Variants in ZFX observed in about 807,000 individuals in gnomAD.
ZFX encodes zinc finger X-chromosomal protein.
For missense variants in ZFX, 362 were observed against 628.3 expected, an observed-to-expected ratio of 0.58 and a Z score of 4.53; for synonymous variants, 196 against 226.8, an observed-to-expected ratio of 0.86 and a Z score of 1.22.
At chrX:24,198,368 A>T (rs1473441634) in intron 5 of ZFX, among the ~76,000 whole-genome samples, 1 of 110,274 alleles carries the variant, frequency 9.1e-6, no homozygotes, top group Non-Finnish European at 1.9e-5. Flanking sequence ...ATGCCCAGCT[A>T]ATTTAAAAAT....
chrX:24,153,459 G>A (rs766907911), intron 3 of ZFX, among the ~76,000 whole-genome samples: 1 of 111,592 alleles, frequency 9.0e-6, no homozygotes, highest in Non-Finnish European at 1.9e-5. Flanking sequence ...CAAGCTCTGT[G>A]CGTGATGCCG....
At chrX:24,176,007 T>TTTAA (rs1935094763) in intron 4 of ZFX, among the ~76,000 whole-genome samples, 1 of 111,508 alleles carries the variant, frequency 9.0e-6, no homozygotes, top group African/African-American at 3.3e-5. Flanking sequence ...AAGCATTTTG[T>TTTAA]AGAAATTCTG....
chrX:24,153,387 T>C (rs1932435266), intron 3 of ZFX, among the ~76,000 whole-genome samples: 1 of 111,594 alleles, frequency 9.0e-6, no homozygotes, highest in Non-Finnish European at 1.9e-5. Context: ...GAGGGATTGC[T>C]GTCTCACAAG....
chrX:24,171,145 T>C (rs973863032), intron 3 of ZFX, among the ~76,000 whole-genome samples: 37 of 111,875 alleles, frequency 3.3e-4, no homozygotes, highest in African/African-American at 1.2e-3. Flanking sequence ...AATCATAATA[T>C]GACAAACCAG....
chrX:24,190,828 C>G (rs1249945883), intron 5 of ZFX, among the ~76,000 whole-genome samples: 1 of 112,522 alleles, frequency 8.9e-6, no homozygotes, highest in South Asian at 3.6e-4. Flanking sequence ...TACTCATTAG[C>G]TGAATGAATT....
intron 3 of ZFX, among the ~76,000 whole-genome samples, chrX:24,168,968 G>A (rs189102411): frequency 1.8e-5 from 2 of 110,767 alleles, no homozygotes; most frequent in African/African-American, 3.3e-5. Flanking sequence ...CATGGACACC[G>A]CCAGTTACAT....
At chrX:24,196,011 CCTT>C (rs1407079582) in intron 5 of ZFX, among the ~76,000 whole-genome samples, 1 of 112,125 alleles carries the variant, frequency 8.9e-6, no homozygotes, top group Non-Finnish European at 1.9e-5. Context: ...TTTGACTCCT[CCTT>C]TTTAAGATGA....
chrX:24,165,657 G>A (rs1167798148), intron 3 of ZFX, among the ~76,000 whole-genome samples: 1 of 111,952 alleles, frequency 8.9e-6, no homozygotes, highest in African/African-American at 3.3e-5. Flanking sequence ...ATTTTACCTA[G>A]GATGGTTTTA....
At chrX:24,206,522 T>C in intron 5 of ZFX, among the ~76,000 whole-genome samples, 1 of 95,768 alleles carries the variant, frequency 1.0e-5, no homozygotes, top group African/African-American at 4.1e-5. Flanking sequence ...TGTGTGTGTG[T>C]GTGTGTGTGT....
intron 5 of ZFX, among the ~76,000 whole-genome samples, chrX:24,205,799 A>G (rs1343958962): frequency 1.8e-5 from 2 of 111,805 alleles, no homozygotes; most frequent in African/African-American, 6.5e-5. Flanking sequence ...ATGAGCCAAG[A>G]TTGTGCCACT....
At chrX:24,202,996 C>T (rs1250699798) in intron 5 of ZFX, among the ~76,000 whole-genome samples, 1 of 111,930 alleles carries the variant, frequency 8.9e-6, no homozygotes, top group African/African-American at 3.2e-5. Context: ...GAGCACAAAG[C>T]AATAGTGACA....
intron 7 of ZFX, 135 bp from the exon 8 acceptor site, chrX:24,208,083 C>T (rs753998588): frequency 6.8e-6 from 6 of 887,116 alleles, no homozygotes; most frequent in South Asian, 4.9e-5. Flanking sequence ...GTGCTTACTA[C>T]GTGAAAGCTA....
At chrX:24,153,899 A>G (rs1454068332) in intron 3 of ZFX, among the ~76,000 whole-genome samples, 1 of 108,031 alleles carries the variant, frequency 9.3e-6, no homozygotes, top group Admixed American at 9.8e-5. Context: ...TCAGGTATCC[A>G]GTCAGTGTGT....
intron 4 of ZFX, chrX:24,175,460 C>G (rs1168274422): frequency 8.9e-6 from 1 of 112,302 alleles, no homozygotes; most frequent in East Asian, 2.8e-4. Context: ...ATGGCAGATA[C>G]TACTGTCCTC....
chrX:24,208,432 G>A, intron 8 of ZFX, 62 bp downstream of exon 8: 1 of 1,166,383 alleles, frequency 8.6e-7, no homozygotes, highest in African/African-American at 1.8e-5. Context: ...ATCCATGATT[G>A]AAAAATGGTT....
chrX:24,186,331 G>T (rs1936109124), intron 5 of ZFX, among the ~76,000 whole-genome samples: 1 of 110,750 alleles, frequency 9.0e-6, no homozygotes, highest in Admixed American at 9.7e-5. Context: ...AAATGATGAT[G>T]GGCCAGGTAA....
chrX:24,208,414 A>C (rs1482062109), intron 8 of ZFX, 44 bp downstream of exon 8: 1 of 1,190,694 alleles, frequency 8.4e-7, no homozygotes, highest in African/African-American at 1.8e-5. Flanking sequence ...GTTGGTTCTT[A>C]AACATGAATC....
intron 3 of ZFX, chrX:24,161,631 A>T (rs1478327094): frequency 9.1e-6 from 1 of 110,431 alleles, no homozygotes; most frequent in Non-Finnish European, 1.9e-5. Context: ...TTGAATGTAG[A>T]GGTTAATTAA....
At chrX:24,186,419 C>G (rs1243875215) in intron 5 of ZFX, among the ~76,000 whole-genome samples, 3 of 109,635 alleles carry the variant, frequency 2.7e-5, no homozygotes, top group Non-Finnish European at 5.7e-5. Context: ...TGGAGACCAG[C>G]CTGGGCAACA....
Sources: allele counts gnomAD v4.1 joint callset (sites outside exome capture counted in the v4.1 genomes callset), GRCh38; gene constraint gnomAD v4.1.1; transcripts MANE v1.5; gene names NCBI Gene and HGNC (gene_info 2026-07-23, HGNC 2026-07-21).